CACNA1D: variants seen among roughly 807,000 people sequenced by gnomAD.
CACNA1D encodes calcium voltage-gated channel subunit alpha1 D.
In CACNA1D, 55 loss-of-function variants were observed where a neutral mutation model predicts 257.1. The ratio of observed to expected loss-of-function variants is 0.21; its 90% CI spans 0.17 to 0.27. CACNA1D has a LOEUF of 0.27. Ranked by LOEUF, CACNA1D falls within the 10% of genes least tolerant of loss-of-function variation. The pLI is 1.00. For missense variants in CACNA1D, 1,876 were observed against 2,784.0 expected (o/e 0.67, Z 7.34); for synonymous variants, 980 against 1,014.9 (o/e 0.97, Z 0.65).
At chr3:53,698,322 T>C (rs894144826) in intron 8 of CACNA1D, among the ~76,000 whole-genome samples, 2 of 152,200 alleles carry the variant, frequency 1.3e-5, no homozygotes, top group African/African-American at 4.8e-5. Flanking sequence ...AATCCTGTAA[T>C]ATGTCTAAGA....
intron 10 of CACNA1D, among the ~76,000 whole-genome samples, chr3:53,719,040 G>T (rs1320723111): frequency 6.6e-6 from 1 of 152,038 alleles, no homozygotes; most frequent in Non-Finnish European, 1.5e-5. Flanking sequence ...GGGCTGGGGG[G>T]GACCAGCAGT....
At chr3:53,734,338 T>C (rs1486173542) in intron 19 of CACNA1D, among the ~76,000 whole-genome samples, 1 of 151,898 alleles carries the variant, frequency 6.6e-6, no homozygotes, top group African/African-American at 2.4e-5. Context: ...CACACGTATA[T>C]ACTTTAGAAT....
At chr3:53,670,709 T>C (rs1000225304) in intron 7 of CACNA1D, among the ~76,000 whole-genome samples, 4 of 152,220 alleles carry the variant, frequency 2.6e-5, no homozygotes, top group African/African-American at 9.6e-5. Flanking sequence ...GGGCACCAGA[T>C]GACACCCCTT....
intron 6 of CACNA1D, 23 bp from the exon 7 acceptor site, chr3:53,666,316 C>T (rs748314359): frequency 6.2e-7 from 1 of 1,608,596 alleles, no homozygotes; most frequent in Non-Finnish European, 8.5e-7. Flanking sequence ...CTGAGCGGTA[C>T]AGCCTGTTTG....
At chr3:53,593,376 G>A (rs184223464) in intron 3 of CACNA1D, among the ~76,000 whole-genome samples, 1 of 152,280 alleles carries the variant, frequency 6.6e-6, no homozygotes, top group East Asian at 1.9e-4. Flanking sequence ...CCTGGGAATT[G>A]TTTTAGGCCC....
At chr3:53,529,777 T>G (rs1438803977) in intron 3 of CACNA1D, among the ~76,000 whole-genome samples, 4 of 152,236 alleles carry the variant, frequency 2.6e-5, no homozygotes, top group African/African-American at 9.6e-5. Flanking sequence ...AAAATTGTAC[T>G]TATATTTTAT....
chr3:53,714,035 C>T (rs1211229303), intron 9 of CACNA1D, among the ~76,000 whole-genome samples: 1 of 152,182 alleles, frequency 6.6e-6, no homozygotes, highest in East Asian at 1.9e-4. Context: ...AATTGCAGTG[C>T]CAGCATCCTC....
rs753508374 is a variant in CACNA1D, at chr3:53,774,547, C to T, written c.4111-40C>T. The T allele has an allele frequency of 1.4e-5, 17 of 1,238,756 alleles. No homozygotes were observed. Among genetic ancestry groups the T allele is most frequent in the Middle Eastern group, 1.9e-4 (1 of 5,374 alleles). 76.7% of individuals were successfully genotyped at this position (1,238,756 alleles called of 1,614,324 possible). On this transcript the variant is annotated intron_variant, in intron 33 of 47. Transcript: ENST00000350061. The surrounding 1 kb of genome is among the most constrained non-coding windows in gnomAD (Gnocchi z 4.3). ...TCACATACGGATTTTTTTTGCATGA[C>T]GAAATCTATTCTCTTTTTCCTGACA...
chr3:53,635,485 G>C (rs2093872487), intron 3 of CACNA1D, among the ~76,000 whole-genome samples: 1 of 152,160 alleles, frequency 6.6e-6, no homozygotes, highest in African/African-American at 2.4e-5. Flanking sequence ...GAAGATGGGT[G>C]GGTTATGAGT....
intron 9 of CACNA1D, among the ~76,000 whole-genome samples, chr3:53,707,977 C>T (rs533955060): frequency 6.6e-6 from 1 of 152,358 alleles, no homozygotes; most frequent in African/African-American, 2.4e-5. Flanking sequence ...ACCACAAGGG[C>T]AGCCTCTCTG....
chr3:53,540,237 G>T (rs2092260414), intron 3 of CACNA1D, among the ~76,000 whole-genome samples: 1 of 151,868 alleles, frequency 6.6e-6, no homozygotes, highest in Admixed American at 6.6e-5. Context: ...TCCTGCCTCA[G>T]CCTCCTGAGT....
At chr3:53,556,450 C>T (rs1184146547) in intron 3 of CACNA1D, among the ~76,000 whole-genome samples, 6 of 152,046 alleles carry the variant, frequency 3.9e-5, no homozygotes, top group African/African-American at 7.2e-5. Context: ...GTAATAGGTG[C>T]GTAGTAGTAT....
At chr3:53,594,748 C>T (rs1165749181) in intron 3 of CACNA1D, among the ~76,000 whole-genome samples, 1 of 152,236 alleles carries the variant, frequency 6.6e-6, no homozygotes, top group East Asian at 1.9e-4. Context: ...CTTCTTGAAG[C>T]CTTCTTACCT....
intron 3 of CACNA1D, among the ~76,000 whole-genome samples, chr3:53,579,010 C>T (rs2093085864): frequency 6.6e-6 from 1 of 152,180 alleles, no homozygotes; most frequent in African/African-American, 2.4e-5. Flanking sequence ...GAGGGAATTC[C>T]TCTGACAGCC....
rs1273533005 is a variant in CACNA1D, at chr3:53,811,099, T to A, written c.6193-14T>A. On this transcript the variant is annotated splice_polypyrimidine_tract_variant and intron_variant, in intron 47 of 47. Coordinates refer to ENST00000350061, the MANE Select transcript of CACNA1D (RefSeq NM_001128840.3). The surrounding 1 kb of genome is among the most constrained non-coding windows in gnomAD (Gnocchi z 4.2). ...ATAACACCCCCATGCCATCCATCCCTCTTTTCTGTACAGGTCCTGATATCC... is the reference window on the plus strand; with the variant it reads ...ATAACACCCCCATGCCATCCATCCCACTTTTCTGTACAGGTCCTGATATCC... 6.2e-7 allele frequency: 1 copy of A among 1,611,974 alleles called. No homozygotes were observed. Among genetic ancestry groups the A allele is most frequent in the African/African-American group, 1.3e-5 (1 of 74,964 alleles).
intron 3 of CACNA1D, among the ~76,000 whole-genome samples, chr3:53,582,617 G>C (rs1372316373): frequency 6.6e-6 from 1 of 152,102 alleles, no homozygotes; most frequent in East Asian, 1.9e-4. Context: ...ATCCCTAGGT[G>C]GGGGTAGCTA....
At chr3:53,625,799 TG>T (rs1270249243) in intron 3 of CACNA1D, among the ~76,000 whole-genome samples, 1 of 152,228 alleles carries the variant, frequency 6.6e-6, no homozygotes, top group African/African-American at 2.4e-5. Flanking sequence ...TACCAATTGT[TG>T]GGTGACTGGT....
chr3:53,719,613 C>T, intron 10 of CACNA1D, 142 bp from the exon 11 acceptor site: 2 of 803,370 alleles, frequency 2.5e-6, no homozygotes. Flanking sequence ...TCTGGCCTTG[C>T]CCCTGCTGGC....
At chr3:53,611,450 C>T (rs1415683892) in intron 3 of CACNA1D, among the ~76,000 whole-genome samples, 1 of 152,110 alleles carries the variant, frequency 6.6e-6, no homozygotes, top group South Asian at 2.1e-4. Context: ...TTTTTTTCTT[C>T]ATTTGATTTC....
Sources: allele counts gnomAD v4.1 joint callset (sites outside exome capture counted in the v4.1 genomes callset), GRCh38; gene constraint gnomAD v4.1.1; non-coding constraint Gnocchi (gnomAD v3.1); transcripts MANE v1.5; gene names NCBI Gene and HGNC (gene_info 2026-07-23, HGNC 2026-07-21).